The following EP400 variants were observed in gnomAD, a reference collection of about 807,000 sequenced individuals.
EP400 encodes the protein E1A-binding protein p400.
In EP400, 105 loss-of-function variants were observed where a neutral mutation model predicts 354.1. That is an observed-to-expected ratio of 0.30 (90% CI 0.25 to 0.35). The LOEUF is 0.35. Ranked by LOEUF, EP400 falls within the 10% of genes least tolerant of loss-of-function variation. The probability of loss-of-function intolerance (pLI) is 1.00; values close to 1 mark genes in which losing one functional copy is unlikely to be tolerated. For missense variants in EP400, 3,280 were observed against 4,121.0 expected (o/e 0.80, Z 5.59); for synonymous variants, 1,646 against 1,716.9 (o/e 0.96, Z 1.02).
At chr12:131,966,176 G>A (rs753007145) in intron 2 of EP400, among the ~76,000 whole-genome samples, 1 of 151,998 alleles carries the variant, frequency 6.6e-6, no homozygotes, top group Non-Finnish European at 1.5e-5. Context: ...GATTGCTTGA[G>A]GCCAGAAATT....
chr12:131,950,287 A>G (rs1280692554), intron 1 of EP400, among the ~76,000 whole-genome samples: 1 of 151,794 alleles, frequency 6.6e-6, no homozygotes, highest in East Asian at 2.0e-4. Flanking sequence ...ATCCGCGCCC[A>G]TTTCTCGTGG....
rs993380059 is a variant in EP400 at position 132,017,307 on chromosome 12, C to T, written c.3924-228C>T. Reference sequence around the variant, plus strand: ...GAATGAAGTGGAGTGGCTGTCTTTCCGTCAGCTCTGGTGGGGCGGATGTCA... The same window carrying T: ...GAATGAAGTGGAGTGGCTGTCTTTCTGTCAGCTCTGGTGGGGCGGATGTCA... On this transcript the variant is annotated intron_variant, in intron 19 of 52. Transcript: ENST00000389561. This position sits in a 1 kb window ranked among gnomAD's most constrained non-coding sequence, Gnocchi z 5.0. Among the ~76,000 whole-genome samples the T allele has an allele frequency of 3.9e-5, 6 of 152,104 alleles. No homozygotes were observed. The highest frequency in any genetic ancestry group is 9.7e-5 in the African/African-American group (4 of 41,426).
chr12:131,981,697 G>A lies in EP400; in HGVS notation c.1543+101G>A, dbSNP rs529574499. 8.3e-6 allele frequency: 8 copies of A among 964,846 alleles called. No homozygotes were observed. In the East Asian group the frequency reaches 1.1e-4, roughly 13 times the overall value. 59.8% of individuals were successfully genotyped at this position (964,846 alleles called of 1,614,324 possible). On this transcript the variant is annotated intron_variant, in intron 4 of 52. Coordinates refer to ENST00000389561, the MANE Select transcript of EP400 (RefSeq NM_015409.5). ...CTCAGACTTGGGCAGTGGAGGTAGC[G>A]TGTTTGCAGTGGGGTGCCTGAAATT...
At chr12:131,998,029 C>T (rs1446578880) in intron 12 of EP400, among the ~76,000 whole-genome samples, 2 of 152,138 alleles carry the variant, frequency 1.3e-5, no homozygotes, top group South Asian at 2.1e-4. Flanking sequence ...ATTTGGAAAG[C>T]CATATTGAAA....
At chr12:131,955,421 T>G (rs562892654) in intron 1 of EP400, among the ~76,000 whole-genome samples, 1 of 152,032 alleles carries the variant, frequency 6.6e-6, no homozygotes, top group African/African-American at 2.4e-5. Context: ...TAGCTGGGAT[T>G]ACAGGTGCGC....
Position 132,025,934 on chromosome 12 carries a change from TG to T in EP400, c.5014+131del. On this transcript the variant is annotated intron_variant, in intron 25 of 52. Transcript: ENST00000389561. This position sits in a 1 kb window ranked among gnomAD's most constrained non-coding sequence, Gnocchi z 4.1. The stretch of plus-strand genomic sequence containing the variant: ...GCACAGTCTAGTGTGTGGCCATCTC[TG>T]ATTTCTATAGATGTGTCCTAGTGTC... 1 of 1,132,070 alleles carries T rather than the reference TG, an allele frequency of 8.8e-7. No homozygotes were observed. The highest frequency in any genetic ancestry group is 1.2e-6 in the Non-Finnish European group (1 of 847,936). 70.1% of individuals were successfully genotyped at this position (1,132,070 alleles called of 1,614,324 possible).
At chr12:131,957,525 C>CT (rs35977358) in intron 1 of EP400, among the ~76,000 whole-genome samples, 4,220 of 118,478 alleles carry the variant, frequency 0.036, 158 homozygotes, top group Admixed American at 0.11. Context: ...TTCTTTCTTT[C>CT]TTTTTTTTTT....
At chr12:132,020,276 C>A in intron 22 of EP400, 58 bp downstream of exon 22, 1 of 1,503,854 alleles carries the variant, frequency 6.6e-7, no homozygotes, top group East Asian at 2.5e-5. Flanking sequence ...GGGACAAGTT[C>A]ATGGCACTTT....
Position 132,062,090 on chromosome 12 carries a change from C to T in EP400, c.7885-20C>T. Reference sequence around the variant, plus strand: ...TGCTGTGTGAAATATTTGATGAGGTCCTCTGTTTGCCTTTTCTAGACGCCG... The same window carrying T: ...TGCTGTGTGAAATATTTGATGAGGTTCTCTGTTTGCCTTTTCTAGACGCCG... On this transcript the variant is annotated intron_variant, in intron 45 of 52. Coordinates refer to ENST00000389561, the MANE Select transcript of EP400 (RefSeq NM_015409.5). 2 of 1,604,764 alleles carry T rather than the reference C, an allele frequency of 1.2e-6. No homozygotes were observed. The highest frequency in any genetic ancestry group is 2.2e-5 in the South Asian group (2 of 90,860).
chr12:131,986,186 C>G (rs1892848313), intron 5 of EP400, among the ~76,000 whole-genome samples: 2 of 151,754 alleles, frequency 1.3e-5, no homozygotes, highest in Admixed American at 6.6e-5. Flanking sequence ...TTGTCAAAGC[C>G]CAGGCTCATC....
At chr12:132,020,591 A>G (rs921366977) in intron 22 of EP400, among the ~76,000 whole-genome samples, 1 of 152,202 alleles carries the variant, frequency 6.6e-6, no homozygotes, top group Admixed American at 6.5e-5. Context: ...CTTTTGAGGA[A>G]GGGTAGAGTA....
rs530653125 is a variant in EP400, at chr12:132,038,632, T to C, written c.6207+536T>C. 2.0e-5 allele frequency among the ~76,000 whole-genome samples: 3 copies of C among 152,240 alleles called. No individual in the cohort carries two copies. The highest frequency in any genetic ancestry group is 4.1e-4 in the South Asian group (2 of 4,828). ...TTTTGGCTATCGGGTTATGTCAATA[T>C]TTTACTGTTTCGGTGTGGGTAGTAG... On this transcript the variant is annotated intron_variant, in intron 32 of 52. Coordinates refer to ENST00000389561, the MANE Select transcript of EP400 (RefSeq NM_015409.5). The surrounding 1 kb of genome is among the most constrained non-coding windows in gnomAD (Gnocchi z 4.2).
intron 23 of EP400, 64 bp from the exon 24 acceptor site, chr12:132,023,713 A>G (rs1328413297): frequency 9.6e-6 from 15 of 1,562,694 alleles, no homozygotes; most frequent in African/African-American, 2.7e-5. Context: ...ACGACTGTCA[A>G]TATGACACTC....
intron 10 of EP400, 144 bp downstream of exon 10, chr12:131,991,600 A>G: frequency 4.0e-6 from 3 of 744,780 alleles, no homozygotes; most frequent in Non-Finnish European, 4.2e-6. Flanking sequence ...TTTGTTTTAG[A>G]GACAGAGTCT....
chr12:132,039,385 T>C (rs774497375), intron 32 of EP400, among the ~76,000 whole-genome samples: 1 of 152,102 alleles, frequency 6.6e-6, no homozygotes, highest in African/African-American at 2.4e-5. Flanking sequence ...GGGAGCTGCA[T>C]GTGCAGGCCA....
At chr12:131,996,230 CAG>C (rs1016193470) in intron 12 of EP400, among the ~76,000 whole-genome samples, 5 of 151,800 alleles carry the variant, frequency 3.3e-5, no homozygotes, top group Non-Finnish European at 7.4e-5. Context: ...TGCCTGTGCT[CAG>C]GGGCAGGAGA....
At position 132,025,824 on chromosome 12, in the gene EP400, AG is replaced by A. The variant is rs1359914302; in HGVS notation, c.5014+23del. On this transcript the variant is annotated intron_variant, in intron 25 of 52. Transcript: ENST00000389561. This position sits in a 1 kb window ranked among gnomAD's most constrained non-coding sequence, Gnocchi z 4.1. ...CACAAGGTAGGGTGCTCTGAGCAGG[AG>A]GGAGACTTGGCTTGGATGCTTCTTT... The A allele has an allele frequency of 6.4e-7, 1 of 1,561,154 alleles. No individual in the cohort carries two copies. The highest frequency in any genetic ancestry group is 2.0e-5 in the Admixed American group (1 of 49,030).
chr12:132,014,960 T>A (rs1893880043), intron 19 of EP400, among the ~76,000 whole-genome samples: 1 of 152,102 alleles, frequency 6.6e-6, no homozygotes, highest in African/African-American at 2.4e-5. Context: ...CATCCTCTGC[T>A]CTGGGTCTCC....
intron 16 of EP400, among the ~76,000 whole-genome samples, chr12:132,011,934 A>G (rs965379958): frequency 5.3e-5 from 8 of 152,128 alleles, no homozygotes; most frequent in African/African-American, 1.9e-4. Context: ...ACAGTGCAAC[A>G]CTTTCCCCCT....
Sources: allele counts gnomAD v4.1 joint callset (sites outside exome capture counted in the v4.1 genomes callset), GRCh38; gene constraint gnomAD v4.1.1; non-coding constraint Gnocchi (gnomAD v3.1); transcripts MANE v1.5; gene names NCBI Gene and HGNC (gene_info 2026-07-23, HGNC 2026-07-21).